Variants in FSTL4 observed in about 807,000 individuals in gnomAD.
The protein encoded by FSTL4 is follistatin like 4, also known as follistatin-related protein 4.
FSTL4 carries 28 observed loss-of-function variants against 78.2 expected under a neutral mutation model. The ratio of observed to expected loss-of-function variants is 0.36; its 90% CI spans 0.27 to 0.49. The LOEUF (loss-of-function observed/expected upper bound fraction) is 0.49. FSTL4 is among the 20% of genes least tolerant of loss of function. FSTL4 has a pLI of 0.98. For synonymous variants in FSTL4, 422 were observed against 440.5 expected (o/e 0.96, Z 0.53); for missense variants, 922 against 1,084.9 (o/e 0.85, Z 2.11).
the FSTL4 span, among the ~76,000 whole-genome samples, chr5:133,649,422 G>T: frequency 1.3e-5 from 2 of 152,110 alleles, no homozygotes; most frequent in African/African-American, 2.4e-5. Context: ...TTTTAAAAAA[G>T]ATATGTTTAG....
At chr5:133,300,075 C>A (rs560525897) in intron 6 of FSTL4, among the ~76,000 whole-genome samples, 3 of 152,210 alleles carry the variant, frequency 2.0e-5, no homozygotes, top group Non-Finnish European at 4.4e-5. Flanking sequence ...CTCTGTCCAT[C>A]GCTTGGCCAC....
chr5:133,366,173 T>G (rs1000492964), intron 4 of FSTL4, among the ~76,000 whole-genome samples: 3 of 152,220 alleles, frequency 2.0e-5, no homozygotes, highest in African/African-American at 7.2e-5. Context: ...TTCAGGGCCT[T>G]TGCACTTGCT....
chr5:133,677,490 A>G, the FSTL4 span, among the ~76,000 whole-genome samples: 3 of 152,260 alleles, frequency 2.0e-5, no homozygotes, highest in African/African-American at 2.4e-5. Context: ...CAGAAAGACC[A>G]TTAAGTTAAG....
intron 10 of FSTL4, among the ~76,000 whole-genome samples, chr5:133,224,613 T>C (rs1384792063): frequency 3.3e-5 from 5 of 152,212 alleles, no homozygotes; most frequent in Admixed American, 1.3e-4. Flanking sequence ...GATTATCTAC[T>C]TTGATGAAAA....
the FSTL4 span, among the ~76,000 whole-genome samples, chr5:133,635,630 G>A: frequency 6.6e-6 from 1 of 152,186 alleles, no homozygotes; most frequent in Non-Finnish European, 1.5e-5. Flanking sequence ...GGGCGTGGTG[G>A]CACATGCCTG....
At position 133,202,161 on chromosome 5, in the gene FSTL4, A is replaced by C. The variant is rs976930475; in HGVS notation, c.1717-119T>G. 6 of 592,422 alleles carry C rather than the reference A, an allele frequency of 1.0e-5. No homozygotes were observed. In the South Asian group the frequency reaches 1.6e-4, roughly 16 times the overall value. The allele number at this position is 592,422 out of a possible 1,614,324, so 36.7% of individuals were successfully genotyped here. On this transcript the variant is annotated intron_variant, in intron 14 of 15. Transcript: ENST00000265342. ...AGGGGTGCTTGGGAGAGAGATGACT[A>C]ACAAACCTCAATCTCAGGGAAGAGG...
intron 3 of FSTL4, among the ~76,000 whole-genome samples, chr5:133,547,267 T>A (rs905998397): frequency 2.6e-5 from 4 of 152,218 alleles, no homozygotes; most frequent in African/African-American, 9.6e-5. Context: ...AAGGGAAATG[T>A]CTATCTTATA....
intron 13 of FSTL4, among the ~76,000 whole-genome samples, chr5:133,210,596 G>A (rs1264536182): frequency 2.0e-5 from 3 of 151,986 alleles, no homozygotes; most frequent in Non-Finnish European, 4.4e-5. Flanking sequence ...AGGCTCAAGA[G>A]ATTCTCCTGC....
At chr5:133,747,429 T>C in the FSTL4 span, among the ~76,000 whole-genome samples, 1 of 152,170 alleles carries the variant, frequency 6.6e-6, no homozygotes, top group Non-Finnish European at 1.5e-5. Context: ...TCAATCCTGA[T>C]GGCAAATCCC....
chr5:133,773,257 CA>C, the FSTL4 span, among the ~76,000 whole-genome samples: 339 of 128,500 alleles, frequency 2.6e-3, no homozygotes, highest in Middle Eastern at 8.3e-3. Context: ...TTCATATGAC[CA>C]AAAAAAAAAA....
chr5:133,796,186 A>C, the FSTL4 span, among the ~76,000 whole-genome samples: 4 of 152,254 alleles, frequency 2.6e-5, no homozygotes, highest in Admixed American at 6.5e-5. Context: ...CACGCAGGAC[A>C]TGCGACAGGG....
intron 4 of FSTL4, among the ~76,000 whole-genome samples, chr5:133,336,997 A>G (rs1219912854): frequency 6.6e-6 from 1 of 152,186 alleles, no homozygotes; most frequent in African/African-American, 2.4e-5. Context: ...GGAATGATGA[A>G]TGATTTGCCC....
the FSTL4 span, among the ~76,000 whole-genome samples, chr5:133,743,392 C>T: frequency 2.6e-5 from 4 of 152,216 alleles, no homozygotes; most frequent in South Asian, 2.1e-4. Context: ...GGTTCTGGTA[C>T]GGTACCTTTA....
intron 6 of FSTL4, among the ~76,000 whole-genome samples, chr5:133,262,772 C>T (rs1752562869): frequency 6.6e-6 from 1 of 152,202 alleles, no homozygotes; most frequent in Non-Finnish European, 1.5e-5. Flanking sequence ...AGCTGACTTC[C>T]CCTCAGGTTC....
chr5:133,656,788 A>G, the FSTL4 span, among the ~76,000 whole-genome samples: 1 of 152,190 alleles, frequency 6.6e-6, no homozygotes, highest in South Asian at 2.1e-4. Context: ...TGTCTTTAAA[A>G]GATCACTTTG....
At chr5:133,642,169 C>T in the FSTL4 span, among the ~76,000 whole-genome samples, 1 of 152,106 alleles carries the variant, frequency 6.6e-6, no homozygotes, top group Non-Finnish European at 1.5e-5. Flanking sequence ...CAGAGAGGGG[C>T]AGGGTTTTTC....
At chr5:133,515,690 A>T (rs641235) in intron 3 of FSTL4, among the ~76,000 whole-genome samples, 29,209 of 143,456 alleles carry the variant, frequency 0.2, 3,165 homozygotes, top group African/African-American at 0.31. Flanking sequence ...TTTTTTTTTA[A>T]AAAAAAGCAA....
At chr5:133,594,563 G>A (rs888712710) in intron 2 of FSTL4, among the ~76,000 whole-genome samples, 1 of 152,174 alleles carries the variant, frequency 6.6e-6, no homozygotes, top group African/African-American at 2.4e-5. Context: ...AAATAGCAGA[G>A]GAAGAAGAGG....
In FSTL4 at chr5:133,316,622, C is replaced by A. The variant is rs200915266; in HGVS notation, c.440G>T (p.Arg147Leu). The change falls in exon 5 of 16, where the codon CGC (arginine) becomes CTC (leucine). Residue 147 changes from arginine (R) to leucine (L), a missense_variant. Coordinates refer to ENST00000265342, the MANE Select transcript of FSTL4 (RefSeq NM_015082.2). ...GDTCTMAGYA[R>L]LKNVLLALQT... ...GAGTGCCAGAAGGACATTCTTCAAG[C>A]GGGCGTAGCCGGCCATGGTGCACGT... The A allele has an allele frequency of 3.7e-6, 6 of 1,613,434 alleles. No individual in the cohort carries two copies. Among genetic ancestry groups the A allele is most frequent in the Admixed American group, 3.3e-5 (2 of 59,996 alleles).
Sources: allele counts gnomAD v4.1 joint callset (sites outside exome capture counted in the v4.1 genomes callset), GRCh38; gene constraint gnomAD v4.1.1; transcripts MANE v1.5; gene names NCBI Gene and HGNC (gene_info 2026-07-23, HGNC 2026-07-21).